Variants in FAM135B observed in about 807,000 individuals in gnomAD.
FAM135B encodes the protein protein FAM135B.
In FAM135B, 43 loss-of-function variants were observed where a neutral mutation model predicts 127.7. That is an observed-to-expected ratio of 0.34 (90% CI 0.26 to 0.43). FAM135B has a LOEUF of 0.43. Ranked by LOEUF, FAM135B falls within the 20% of genes least tolerant of loss-of-function variation. The probability of loss-of-function intolerance (pLI) is 1.00; values close to 1 mark genes in which losing one functional copy is unlikely to be tolerated. For synonymous variants in FAM135B, 670 were observed against 665.1 expected (o/e 1.01, Z -0.11); for missense variants, 1,558 against 1,725.6 (o/e 0.90, Z 1.72).
intron 12 of FAM135B, among the ~76,000 whole-genome samples, chr8:138,155,631 A>G (rs13270283): frequency 1.3e-5 from 2 of 151,832 alleles, no homozygotes; most frequent in Non-Finnish European, 2.9e-5. Context: ...ACAAAAAAAA[A>G]CAGGGGTTGC....
intron 9 of FAM135B, among the ~76,000 whole-genome samples, chr8:138,180,211 C>T (rs913902097): frequency 6.6e-6 from 1 of 152,174 alleles, no homozygotes; most frequent in Non-Finnish European, 1.5e-5. Flanking sequence ...CTGTCACTGA[C>T]CTCTAAGCTT....
chr8:138,179,834 G>A (rs1299827448), intron 9 of FAM135B, among the ~76,000 whole-genome samples: 1 of 152,076 alleles, frequency 6.6e-6, no homozygotes, highest in Non-Finnish European at 1.5e-5. Context: ...GACTACAGGT[G>A]CATGCCACTG....
Position 138,458,743 on chromosome 8 carries a change from A to G in FAM135B, c.-20+37928T>C, listed in dbSNP as rs557239441. ...AGTCAGGGACCATATGGCCTGGATG[A>G]CCTAAAATATATACCATCTATCTAG... On this transcript the variant is annotated intron_variant, in intron 1 of 19. Coordinates refer to ENST00000395297, the MANE Select transcript of FAM135B (RefSeq NM_015912.4). 2.6e-5 allele frequency among the ~76,000 whole-genome samples: 4 copies of G among 152,266 alleles called. No individual in the cohort carries two copies. In the South Asian group the frequency reaches 8.3e-4, roughly 32 times the overall value.
intron 1 of FAM135B, among the ~76,000 whole-genome samples, chr8:138,462,016 A>G (rs752115756): frequency 6.6e-6 from 1 of 152,134 alleles, no homozygotes; most frequent in African/African-American, 2.4e-5. Flanking sequence ...TGAATCAATT[A>G]TCCAAGGTTG....
chr8:138,464,330 A>G (rs1837281724), intron 1 of FAM135B, among the ~76,000 whole-genome samples: 1 of 152,098 alleles, frequency 6.6e-6, no homozygotes, highest in Admixed American at 6.5e-5. Flanking sequence ...CTTTGTTCCT[A>G]GGGTGGGGCT....
At chr8:138,479,265 T>G (rs1431249388) in intron 1 of FAM135B, among the ~76,000 whole-genome samples, 1 of 152,150 alleles carries the variant, frequency 6.6e-6, no homozygotes, top group African/African-American at 2.4e-5. Flanking sequence ...ACTACATAGA[T>G]ATGACTGAAT....
At chr8:138,310,193 C>A (rs1826572543) in intron 3 of FAM135B, among the ~76,000 whole-genome samples, 1 of 152,108 alleles carries the variant, frequency 6.6e-6, no homozygotes, top group Non-Finnish European at 1.5e-5. Flanking sequence ...TAAGGTCTAG[C>A]TAGTCTACAC....
chr8:138,401,038 C>A (rs919460240), intron 1 of FAM135B, among the ~76,000 whole-genome samples: 2 of 152,112 alleles, frequency 1.3e-5, no homozygotes, highest in African/African-American at 2.4e-5. Flanking sequence ...GCTTAGCAAT[C>A]CTCTAATTGG....
In FAM135B at chr8:138,262,376, C is replaced by G. The variant is rs578046940; in HGVS notation, c.297+3327G>C. ...TCAATGTCCCAAGGGCAAAGGCCCA[C>G]GGGAAAAAATGGAGCATTGTTTTCT... is the stretch of plus-strand genomic sequence containing the variant. On this transcript the variant is annotated intron_variant, in intron 4 of 19. Transcript: ENST00000395297. Among the ~76,000 whole-genome samples, 7 of 152,148 alleles carry G rather than the reference C, an allele frequency of 4.6e-5. No individual in the cohort carries two copies. In the South Asian group the frequency reaches 1.2e-3, roughly 27 times the overall value.
intron 7 of FAM135B, among the ~76,000 whole-genome samples, chr8:138,208,574 A>T (rs1817893626): frequency 6.6e-6 from 1 of 152,260 alleles, no homozygotes; most frequent in South Asian, 2.1e-4. Context: ...GCAAAGAAAC[A>T]GAGTCCCACA....
chr8:138,379,818 C>A (rs1276312527), intron 1 of FAM135B, among the ~76,000 whole-genome samples: 1 of 152,126 alleles, frequency 6.6e-6, no homozygotes, highest in African/African-American at 2.4e-5. Context: ...AACTTGAGAG[C>A]AAATACACCT....
intron 19 of FAM135B, among the ~76,000 whole-genome samples, chr8:138,135,470 A>G (rs567502170): frequency 6.6e-6 from 1 of 152,342 alleles, no homozygotes; most frequent in South Asian, 2.1e-4. Context: ...AAAAGCATCA[A>G]TATTTAAAAA....
intron 3 of FAM135B, among the ~76,000 whole-genome samples, chr8:138,304,562 G>A (rs1210638626): frequency 1.3e-5 from 2 of 152,162 alleles, no homozygotes; most frequent in East Asian, 3.9e-4. Flanking sequence ...AAGTCCATTG[G>A]GAGGAGAGGT....
intron 1 of FAM135B, among the ~76,000 whole-genome samples, chr8:138,426,094 T>C (rs1285811258): frequency 1.5e-5 from 2 of 133,716 alleles, no homozygotes; most frequent in South Asian, 2.4e-4. Context: ...GTTTTATGTA[T>C]GTTTTATATA....
intron 2 of FAM135B, among the ~76,000 whole-genome samples, chr8:138,343,082 C>T (rs1829167324): frequency 6.6e-6 from 1 of 152,238 alleles, no homozygotes; most frequent in Admixed American, 6.5e-5. Flanking sequence ...TCTTTAAAAG[C>T]TTGTCCCATG....
intron 1 of FAM135B, chr8:138,438,563 A>G (rs148149981): frequency 1.5e-4 from 23 of 152,324 alleles, no homozygotes; most frequent in African/African-American, 5.3e-4. Flanking sequence ...ACAGGAGAAA[A>G]GATGCTTCAA....
intron 1 of FAM135B, among the ~76,000 whole-genome samples, chr8:138,423,820 T>C (rs1226595306): frequency 6.6e-6 from 1 of 152,124 alleles, no homozygotes; most frequent in Non-Finnish European, 1.5e-5. Flanking sequence ...GCTTATTTCA[T>C]CCCTACAGCT....
At chr8:138,309,085 T>A (rs77975060) in intron 3 of FAM135B, 1 of 425,550 alleles carries the variant, frequency 2.3e-6, no homozygotes, top group South Asian at 1.7e-5. Flanking sequence ...CAAATATCTA[T>A]GAAGAATGCA....
intron 11 of FAM135B, among the ~76,000 whole-genome samples, chr8:138,173,934 G>C (rs1814169157): frequency 6.6e-6 from 1 of 152,118 alleles, no homozygotes; most frequent in Admixed American, 6.5e-5. Context: ...ACACACCCTT[G>C]CTACTGGTCA....
Sources: allele counts gnomAD v4.1 joint callset (sites outside exome capture counted in the v4.1 genomes callset), GRCh38; gene constraint gnomAD v4.1.1; transcripts MANE v1.5; gene names NCBI Gene and HGNC (gene_info 2026-07-23, HGNC 2026-07-21).